HECTD2: variants seen among roughly 807,000 people sequenced by gnomAD.
The protein encoded by HECTD2 is probable E3 ubiquitin-protein ligase HECTD2.
Under a neutral mutation model 103.2 loss-of-function variants are expected in HECTD2, and 35 were observed. The ratio of observed to expected loss-of-function variants is 0.34; its 90% confidence interval spans 0.26 to 0.45. The LOEUF is 0.45. HECTD2 is among the 20% of genes least tolerant of loss of function. The probability of loss-of-function intolerance (pLI) is 1.00; values close to 1 mark genes in which losing one functional copy is unlikely to be tolerated. For missense variants in HECTD2, 596 were observed against 937.4 expected, an observed-to-expected ratio of 0.64 and a Z score of 4.76; for synonymous variants, 281 against 329.9, an observed-to-expected ratio of 0.85 and a Z score of 1.61.
chr10:91,453,423 C>G (rs1309203418), intron 2 of HECTD2, among the ~76,000 whole-genome samples: 1 of 152,008 alleles, frequency 6.6e-6, no homozygotes, highest in Non-Finnish European at 1.5e-5. Flanking sequence ...AGAGCAAGAC[C>G]CTGTCACACA....
Position 91,513,859 on chromosome 10 carries a change from T to C in HECTD2, c.*1475T>C, listed in dbSNP as rs1315405468. 1 of 152,638 alleles carries C rather than the reference T, an allele frequency of 6.6e-6. No individual in the cohort carries two copies. The highest frequency in any genetic ancestry group is 1.5e-5 in the Non-Finnish European group (1 of 68,032). The allele number at this position is 152,638 out of a possible 1,614,324, so 9.5% of individuals were successfully genotyped here. On this transcript the variant is annotated 3_prime_UTR_variant, in exon 21 of 21. Coordinates refer to ENST00000298068, the MANE Select transcript of HECTD2 (RefSeq NM_182765.6). ...TAATCAGCTTGTTCTCCAACAGTTC[T>C]GAAGCCAACCCACAAATCTTTGAGG...
chr10:91,414,732 A>G (rs970246809), intron 1 of HECTD2, among the ~76,000 whole-genome samples: 2 of 152,218 alleles, frequency 1.3e-5, no homozygotes, highest in Non-Finnish European at 2.9e-5. Flanking sequence ...GGGCAAAGTA[A>G]TCCAGTGACG....
At chr10:91,483,678 C>G (rs1327688218) in intron 8 of HECTD2, among the ~76,000 whole-genome samples, 1 of 151,866 alleles carries the variant, frequency 6.6e-6, no homozygotes, top group Non-Finnish European at 1.5e-5. Context: ...TATAATGTCA[C>G]CACAAACATG....
intron 3 of HECTD2, 26 bp from the exon 4 acceptor site, chr10:91,461,228 A>G: frequency 2.0e-6 from 2 of 1,013,332 alleles, no homozygotes; most frequent in Non-Finnish European, 1.5e-6. Context: ...CTATATGTAT[A>G]TACGGTTAAT....
chr10:91,417,941 A>C (rs907203420), intron 1 of HECTD2, among the ~76,000 whole-genome samples: 1 of 152,180 alleles, frequency 6.6e-6, no homozygotes, highest in Admixed American at 6.5e-5. Context: ...GAATCACCAC[A>C]CTGACTTCCA....
chr10:91,413,771 G>T (rs1170260197), intron 1 of HECTD2, among the ~76,000 whole-genome samples: 1 of 152,200 alleles, frequency 6.6e-6, no homozygotes, highest in Non-Finnish European at 1.5e-5. Context: ...GCGTGGTGGG[G>T]AATTGAAAGA....
chr10:91,465,645 G>GT (rs1845505614), intron 5 of HECTD2, among the ~76,000 whole-genome samples: 3 of 151,846 alleles, frequency 2.0e-5, no homozygotes. Flanking sequence ...TCATGAATGG[G>GT]TATTGGATTT....
Position 91,487,549 on chromosome 10 carries a change from T to C in HECTD2, c.1095-133T>C, listed in dbSNP as rs757822220. Reference sequence around the variant, plus strand: ...ATTAAAAGAAATTATACACATACAATCATTTTGTATATGGTAAAACACAAT... The same window carrying C: ...ATTAAAAGAAATTATACACATACAACCATTTTGTATATGGTAAAACACAAT... On this transcript the variant is annotated intron_variant, in intron 10 of 20. Transcript: ENST00000298068. This position sits in a 1 kb window ranked among gnomAD's most constrained non-coding sequence, Gnocchi z 4.1. 4 of 716,726 alleles carry C rather than the reference T, an allele frequency of 5.6e-6. No homozygotes were observed. In the African/African-American group the frequency reaches 7.0e-5, roughly 13 times the overall value. 44.4% of individuals were successfully genotyped at this position (716,726 alleles called of 1,614,324 possible).
intron 2 of HECTD2, among the ~76,000 whole-genome samples, chr10:91,450,283 C>T (rs1204098610): frequency 6.6e-6 from 1 of 152,094 alleles, no homozygotes; most frequent in African/African-American, 2.4e-5. Flanking sequence ...GAAAGGATTC[C>T]CTATTTAATA....
intron 1 of HECTD2, among the ~76,000 whole-genome samples, chr10:91,424,798 G>C (rs528791063): frequency 6.6e-6 from 1 of 152,018 alleles, no homozygotes; most frequent in East Asian, 1.9e-4. Context: ...AACTCTAAAG[G>C]GTTATCTTTT....
At chr10:91,504,428 T>C (rs1294737133) in intron 20 of HECTD2, among the ~76,000 whole-genome samples, 1 of 151,808 alleles carries the variant, frequency 6.6e-6, no homozygotes, top group East Asian at 1.9e-4. Flanking sequence ...AGAGAAGTGC[T>C]TAAAGGAGCT....
intron 2 of HECTD2, among the ~76,000 whole-genome samples, chr10:91,457,536 A>G (rs1845159891): frequency 6.6e-6 from 1 of 152,054 alleles, no homozygotes; most frequent in Non-Finnish European, 1.5e-5. Flanking sequence ...GTAATCCACC[A>G]TACTAACATG....
chr10:91,498,223 T>A, intron 16 of HECTD2, 41 bp downstream of exon 16: 55 of 1,304,542 alleles, frequency 4.2e-5, no homozygotes, highest in Non-Finnish European at 5.1e-5. Context: ...ATCATATATT[T>A]CATATATGAA....
chr10:91,462,319 A>C, intron 5 of HECTD2, 135 bp downstream of exon 5: 1 of 1,145,468 alleles, frequency 8.7e-7, no homozygotes, highest in Non-Finnish European at 1.1e-6. Flanking sequence ...ATGTAGCTGG[A>C]ATTCTCATAA....
rs748368860 is a variant in HECTD2, at chr10:91,462,101, G to A, written c.517G>A (p.Ala173Thr). ...PELNAAFKKD[A>T]TASFNTIEDS... ...TCTTAAATTGAATTTGCAGAAAGAT[G>A]CCACTGCCTCATTTAACACCATTGA... The change falls in exon 5 of 21, where the codon GCC (alanine) becomes ACC (threonine). Residue 173 changes from alanine to threonine, a missense_variant. Coordinates refer to ENST00000298068, the MANE Select transcript of HECTD2 (RefSeq NM_182765.6). The A allele has an allele frequency of 3.2e-6, 5 of 1,585,854 alleles. No individual in the cohort carries two copies. The highest frequency in any genetic ancestry group is 4.3e-6 in the Non-Finnish European group (5 of 1,159,508).
chr10:91,450,198 T>C (rs1014293353), intron 2 of HECTD2, among the ~76,000 whole-genome samples: 8 of 152,056 alleles, frequency 5.3e-5, no homozygotes, highest in Non-Finnish European at 1.2e-4. Context: ...TGGAACAGCA[T>C]AGAGACCTCA....
intron 2 of HECTD2, among the ~76,000 whole-genome samples, chr10:91,450,791 G>C (rs1844783536): frequency 6.6e-6 from 1 of 152,200 alleles, no homozygotes; most frequent in South Asian, 2.1e-4. Flanking sequence ...CTGGTCATTA[G>C]AAAAATGCAA....
Position 91,514,377 on chromosome 10 carries a change from A to G in HECTD2, c.*1993A>G, listed in dbSNP as rs1280717197. On this transcript the variant is annotated 3_prime_UTR_variant, in exon 21 of 21. Transcript: ENST00000298068. ...TGTTGTTAAGTTGAAATGTATAATC[A>G]TTTATCACTAAATTGCACATTGCCT... 6.6e-6 allele frequency: 1 copy of G among 152,624 alleles called. No homozygotes were observed. Among genetic ancestry groups the G allele is most frequent in the African/African-American group, 2.4e-5 (1 of 41,462 alleles). 9.5% of individuals were successfully genotyped at this position (152,624 alleles called of 1,614,324 possible).
intron 2 of HECTD2, among the ~76,000 whole-genome samples, chr10:91,429,872 A>G (rs889103679): frequency 1.1e-4 from 17 of 151,624 alleles, no homozygotes; most frequent in Non-Finnish European, 4.4e-5. Flanking sequence ...TTGTGTCTCT[A>G]TTTCCTTCAG....
Sources: allele counts gnomAD v4.1 joint callset (sites outside exome capture counted in the v4.1 genomes callset), GRCh38; gene constraint gnomAD v4.1.1; non-coding constraint Gnocchi (gnomAD v3.1); transcripts MANE v1.5; gene names NCBI Gene and HGNC (gene_info 2026-07-23, HGNC 2026-07-21).